The following BTBD9 variants were observed in gnomAD, a reference collection of about 807,000 sequenced individuals.
The protein encoded by BTBD9 is BTB domain containing 9, also known as BTB/POZ domain-containing protein 9.
Under a neutral mutation model 64.3 loss-of-function variants are expected in BTBD9, and 49 were observed. The observed-to-expected ratio is 0.76, with a 90% confidence interval of 0.61 to 0.97. The LOEUF is 0.97. Ranked by LOEUF, BTBD9 falls within the 50% of genes least tolerant of loss-of-function variation. The pLI, the probability that BTBD9 is intolerant of heterozygous loss-of-function variation, is 0.00. For missense variants in BTBD9, 598 were observed against 762.1 expected (o/e 0.78, Z 2.53); for synonymous variants, 260 against 274.7 (o/e 0.95, Z 0.53).
At chr6:38,354,655 T>G (rs565564531) in intron 6 of BTBD9, among the ~76,000 whole-genome samples, 2 of 152,236 alleles carry the variant, frequency 1.3e-5, no homozygotes, top group South Asian at 4.2e-4. Flanking sequence ...CTGCTTCAAT[T>G]TTCACAGAAA....
chr6:38,471,955 T>C (rs1000959683), intron 6 of BTBD9, among the ~76,000 whole-genome samples: 2 of 152,240 alleles, frequency 1.3e-5, no homozygotes, highest in Non-Finnish European at 1.5e-5. Context: ...TTCAGGCCTC[T>C]ATAAGCCAGT....
chr6:38,600,507 A>T (rs1777203035), intron 1 of BTBD9, among the ~76,000 whole-genome samples: 1 of 152,172 alleles, frequency 6.6e-6, no homozygotes, highest in Admixed American at 6.5e-5. Context: ...TCAGAAAGCT[A>T]CTGGTACCTG....
chr6:38,598,104 T>C lies in BTBD9; in HGVS notation c.-10A>G, dbSNP rs770731967. On this transcript the variant is annotated 5_prime_UTR_variant, in exon 2 of 11. Coordinates refer to ENST00000481247, the MANE Select transcript of BTBD9 (RefSeq NM_001099272.2). ...GGTGGCTGTTACTCATCTTGTGGAA[T>C]AGACGATAGTCGTTGTTCTATCATA... The C allele has an allele frequency of 1.1e-4, 177 of 1,610,768 alleles. No individual in the cohort carries two copies. Among genetic ancestry groups the C allele is most frequent in the South Asian group, 4.3e-4 (39 of 90,494 alleles).
At chr6:38,265,519 T>A (rs1561945443) in intron 8 of BTBD9, among the ~76,000 whole-genome samples, 3 of 147,726 alleles carry the variant, frequency 2.0e-5, no homozygotes, top group Non-Finnish European at 4.5e-5. Context: ...TTTTTTTTTT[T>A]AAGACAGGGT....
At chr6:38,544,013 T>C (rs1325163317) in intron 6 of BTBD9, among the ~76,000 whole-genome samples, 1 of 151,184 alleles carries the variant, frequency 6.6e-6, no homozygotes. Context: ...GAGGGACAGA[T>C]GATAAACAAA....
At chr6:38,619,727 A>G (rs1007245200) in intron 1 of BTBD9, among the ~76,000 whole-genome samples, 4 of 152,198 alleles carry the variant, frequency 2.6e-5, no homozygotes, top group African/African-American at 9.7e-5. Context: ...CTCAGTGTTA[A>G]TCTGCCCTGG....
At chr6:38,557,097 C>T (rs1775062899) in intron 6 of BTBD9, among the ~76,000 whole-genome samples, 1 of 142,798 alleles carries the variant, frequency 7.0e-6, no homozygotes, top group South Asian at 2.2e-4. Context: ...TCTGTAATCC[C>T]AGCACTTTGG....
chr6:38,307,723 T>A (rs1762676694), intron 7 of BTBD9, among the ~76,000 whole-genome samples: 2 of 152,136 alleles, frequency 1.3e-5, no homozygotes, highest in Admixed American at 1.3e-4. Context: ...AATCACATCT[T>A]ATCTTAAGAT....
At chr6:38,339,258 T>C (rs1379846494) in intron 7 of BTBD9, among the ~76,000 whole-genome samples, 3 of 152,214 alleles carry the variant, frequency 2.0e-5, no homozygotes, top group African/African-American at 7.2e-5. Flanking sequence ...AAATAAACGA[T>C]GGTATATCTA....
chr6:38,560,360 C>T (rs977319712), intron 6 of BTBD9, among the ~76,000 whole-genome samples: 35 of 151,996 alleles, frequency 2.3e-4, no homozygotes, highest in South Asian at 8.3e-4. Flanking sequence ...AACCACAATG[C>T]GATACCATCT....
intron 7 of BTBD9, among the ~76,000 whole-genome samples, chr6:38,299,465 C>T (rs1385420755): frequency 2.6e-5 from 4 of 151,962 alleles, no homozygotes; most frequent in African/African-American, 4.8e-5. Flanking sequence ...TAGTTTACAG[C>T]CCCATCAACA....
At chr6:38,404,560 A>C (rs201055832) in intron 6 of BTBD9, among the ~76,000 whole-genome samples, 1 of 150,562 alleles carries the variant, frequency 6.6e-6, no homozygotes, top group South Asian at 2.1e-4. Context: ...ATAAAAAAAA[A>C]CAAAACCCCA....
chr6:38,474,584 G>T (rs1240842520), intron 6 of BTBD9, among the ~76,000 whole-genome samples: 2 of 152,066 alleles, frequency 1.3e-5, no homozygotes, highest in Non-Finnish European at 2.9e-5. Context: ...AAAAAGGAAA[G>T]AGCTGAGAGT....
At chr6:38,534,643 G>T (rs1327869528) in intron 6 of BTBD9, among the ~76,000 whole-genome samples, 1 of 151,740 alleles carries the variant, frequency 6.6e-6, no homozygotes, top group Non-Finnish European at 1.5e-5. Context: ...ACTAGCAAAA[G>T]GAATTGAACA....
intron 9 of BTBD9, among the ~76,000 whole-genome samples, chr6:38,222,342 G>C (rs573059686): frequency 1.6e-5 from 2 of 128,350 alleles, no homozygotes; most frequent in East Asian, 5.6e-4. Flanking sequence ...CTTACTGCAA[G>C]CTCTGCCTCC....
intron 6 of BTBD9, among the ~76,000 whole-genome samples, chr6:38,541,352 A>G (rs1774259787): frequency 6.6e-6 from 1 of 152,244 alleles, no homozygotes; most frequent in African/African-American, 2.4e-5. Flanking sequence ...ATTTGAGGAA[A>G]GAAGGGAAGG....
chr6:38,447,481 T>G (rs1033608877), intron 6 of BTBD9, among the ~76,000 whole-genome samples: 1 of 152,216 alleles, frequency 6.6e-6, no homozygotes, highest in Non-Finnish European at 1.5e-5. Flanking sequence ...ACTGACATCC[T>G]TATTCTAGAA....
At chr6:38,538,238 T>C (rs1409044598) in intron 6 of BTBD9, among the ~76,000 whole-genome samples, 1 of 152,210 alleles carries the variant, frequency 6.6e-6, no homozygotes, top group Non-Finnish European at 1.5e-5. Flanking sequence ...TAGGAATTCA[T>C]TAGTTTTTTA....
intron 8 of BTBD9, among the ~76,000 whole-genome samples, chr6:38,282,027 A>C (rs1761529917): frequency 6.6e-6 from 1 of 152,186 alleles, no homozygotes; most frequent in African/African-American, 2.4e-5. Flanking sequence ...CTAGCCTGAA[A>C]ACACTAAAAA....
Sources: gnomAD v4.1 joint callset for allele counts (sites outside exome capture counted in the v4.1 genomes callset) on GRCh38, gnomAD v4.1.1 for gene constraint, MANE v1.5 for transcripts, NCBI Gene and HGNC (gene_info 2026-07-23, HGNC 2026-07-21) for gene names.